Variants in FANCD2 observed in about 807,000 individuals in gnomAD.
The protein encoded by FANCD2 is Fanconi anemia group D2 protein.
FANCD2 carries 131 observed loss-of-function variants against 192.3 expected under a neutral mutation model. That is an observed-to-expected ratio of 0.68 (90% CI 0.59 to 0.79). FANCD2 has a LOEUF of 0.79. Ranked by LOEUF, FANCD2 falls within the 30% of genes least tolerant of loss-of-function variation. FANCD2 has a pLI of 0.00. For synonymous variants in FANCD2, 524 were observed against 612.5 expected, an observed-to-expected ratio of 0.86 and a Z score of 2.13; for missense variants, 1,508 against 1,701.6, an observed-to-expected ratio of 0.89 and a Z score of 2.00.
chr3:10,039,926 A>G, intron 9 of FANCD2, 81 bp downstream of exon 9: 1 of 1,535,554 alleles, frequency 6.5e-7, no homozygotes, highest in Non-Finnish European at 9.0e-7. Context: ...AGCAGTAGTA[A>G]TATGGTCTCT....
At chr3:10,087,993 G>A (rs1384419879) in intron 34 of FANCD2, among the ~76,000 whole-genome samples, 1 of 152,158 alleles carries the variant, frequency 6.6e-6, no homozygotes. Context: ...TTAGAATGCA[G>A]CTCATCCTAG....
intron 41 of FANCD2, among the ~76,000 whole-genome samples, chr3:10,095,878 ATTTTTTT>A (rs397950663): frequency 8.0e-6 from 1 of 125,772 alleles, no homozygotes. Flanking sequence ...CTGAACAGTG[ATTTTTTT>A]TTTTTTTTTT....
intron 7 of FANCD2, among the ~76,000 whole-genome samples, chr3:10,038,736 G>A (rs953513549): frequency 2.6e-5 from 4 of 151,516 alleles, no homozygotes; most frequent in East Asian, 1.9e-4. Context: ...ACCCACCATC[G>A]TGCCCAGCTA....
In FANCD2 at chr3:10,101,625, C is replaced by G. The variant is rs1695306506; in HGVS notation, c.*363C>G. ...GTCTCAATCTCCTGAACTCATGATC[C>G]ACCTGCCTCAGCCTCCCAAAGTGCT... On this transcript the variant is annotated 3_prime_UTR_variant, in exon 44 of 44. Transcript: ENST00000675286. 1.2e-5 allele frequency: 4 copies of G among 325,588 alleles called. No individual in the cohort carries two copies. The highest frequency in any genetic ancestry group is 1.1e-4 in the South Asian group (3 of 26,510). 20.2% of individuals were successfully genotyped at this position (325,588 alleles called of 1,614,324 possible).
In FANCD2 at chr3:10,092,202, T is replaced by TA; in HGVS notation, c.3800dup (p.Tyr1267Ter). The part of the protein sequence containing the change: ...SQQIHEEKLL[Y>*]WNMAVRDFSI... ...CCAGATTCATGAAGAGAAACTCCTCTACTGGAACATGGCTGTTCGAGACTT... is the reference window on the plus strand; with the variant it reads ...CCAGATTCATGAAGAGAAACTCCTCTAACTGGAACATGGCTGTTCGAGACTT... Residue 1267 changes from tyrosine to a stop codon, truncating the protein, a stop_gained and frameshift_variant, in exon 38 of 44, where the codon TAC becomes TAAC. Transcript: ENST00000675286. LOFTEE classifies it high-confidence loss of function. 6.2e-7 allele frequency: 1 copy of TA among 1,613,970 alleles called. No individual in the cohort carries two copies. Among genetic ancestry groups the TA allele is most frequent in the East Asian group, 2.2e-5 (1 of 44,882 alleles).
chr3:10,051,307 G>A (rs1231831533), intron 17 of FANCD2, among the ~76,000 whole-genome samples: 16 of 144,104 alleles, frequency 1.1e-4, no homozygotes, highest in South Asian at 6.7e-4. Context: ...CGTGAACCCA[G>A]GAGGCGGAGC....
At chr3:10,095,630 T>A (rs1231311767) in intron 41 of FANCD2, among the ~76,000 whole-genome samples, 3 of 152,226 alleles carry the variant, frequency 2.0e-5, no homozygotes, top group Admixed American at 1.3e-4. Context: ...AAAGCAGCCA[T>A]CTGTAGAGGC....
At chr3:10,071,893 G>A (rs1488467275) in intron 26 of FANCD2, among the ~76,000 whole-genome samples, 5 of 152,028 alleles carry the variant, frequency 3.3e-5, no homozygotes, top group Non-Finnish European at 5.9e-5. Flanking sequence ...CTGAGTAGCC[G>A]GGACTAGAAG....
At chr3:10,032,479 G>T (rs1234812149) in intron 2 of FANCD2, 1 of 286,000 alleles carries the variant, frequency 3.5e-6, no homozygotes, top group South Asian at 3.1e-5. Flanking sequence ...TGGGGGTGAA[G>T]GGGGGGAGAT....
intron 2 of FANCD2, among the ~76,000 whole-genome samples, chr3:10,030,035 T>C (rs35140296): frequency 0.23 from 34,119 of 151,296 alleles, 4,978 homozygotes; most frequent in African/African-American, 0.42. Context: ...GATCCATCCA[T>C]CTCGGCCTCC....
At chr3:10,045,977 A>G (rs35741213) in intron 14 of FANCD2, among the ~76,000 whole-genome samples, 29,646 of 151,518 alleles carry the variant, frequency 0.2, 3,364 homozygotes, top group African/African-American at 0.32. Context: ...AAGTGATTGA[A>G]TCTTTCTTTT....
Position 10,096,502 on chromosome 3 carries a change from C to T in FANCD2, c.4185+30C>T. The T allele has an allele frequency of 1.9e-6, 3 of 1,609,874 alleles. No individual in the cohort carries two copies. In the South Asian group the frequency reaches 3.3e-5, roughly 18 times the overall value. ...GCCTTGGATCCTGCTAGTGATAATC[C>T]CCTACTCTTATTCTTTGTGACAGCA... On this transcript the variant is annotated intron_variant, in intron 42 of 43. Coordinates refer to ENST00000675286, the MANE Select transcript of FANCD2 (RefSeq NM_001018115.3).
intron 6 of FANCD2, among the ~76,000 whole-genome samples, chr3:10,035,877 T>C (rs543815847): frequency 6.6e-6 from 1 of 152,228 alleles, no homozygotes; most frequent in East Asian, 1.9e-4. Context: ...TTAACAGTTA[T>C]TGTATTTAAT....
At chr3:10,090,072 C>T (rs1694493938) in intron 36 of FANCD2, among the ~76,000 whole-genome samples, 1 of 152,128 alleles carries the variant, frequency 6.6e-6, no homozygotes, top group South Asian at 2.1e-4. Flanking sequence ...TCCATACTAC[C>T]ATAACACCTC....
intron 19 of FANCD2, 72 bp downstream of exon 19, chr3:10,060,475 G>T: frequency 8.8e-7 from 1 of 1,138,582 alleles, no homozygotes; most frequent in South Asian, 1.3e-5. Flanking sequence ...ACATCTCATA[G>T]ACATCATTTT....
chr3:10,092,737 G>T (rs1575858154), intron 38 of FANCD2, among the ~76,000 whole-genome samples: 2 of 137,684 alleles, frequency 1.5e-5, no homozygotes, highest in African/African-American at 5.5e-5. Context: ...CTGTTGTCCA[G>T]GCTGGAATGC....
chr3:10,069,493 C>CCCCCACG (rs1192186972), intron 26 of FANCD2, among the ~76,000 whole-genome samples: 1 of 134,422 alleles, frequency 7.4e-6, no homozygotes, highest in African/African-American at 3.4e-5. Flanking sequence ...CCCCCTCTCC[C>CCCCCACG]GTCTCCCTCT....
intron 43 of FANCD2, chr3:10,099,430 C>A: frequency 1.4e-6 from 1 of 709,816 alleles, no homozygotes; most frequent in Non-Finnish European, 1.8e-6. Flanking sequence ...CAAGGCAAAG[C>A]TGCACAACAT....
intron 22 of FANCD2, 70 bp downstream of exon 22, chr3:10,064,499 A>C: frequency 7.0e-7 from 1 of 1,426,350 alleles, no homozygotes; most frequent in South Asian, 1.1e-5. Context: ...TAGCTGATAC[A>C]AACTTCAGAA....
Sources: gnomAD v4.1 joint callset for allele counts (sites outside exome capture counted in the v4.1 genomes callset) on GRCh38, gnomAD v4.1.1 for gene constraint, MANE v1.5 for transcripts, NCBI Gene and HGNC (gene_info 2026-07-23, HGNC 2026-07-21) for gene names.